RBFOX1: variants seen among roughly 807,000 people sequenced by gnomAD.
RBFOX1 encodes the protein RNA binding fox-1 homolog 1.
Under a neutral mutation model 57.7 loss-of-function variants are expected in RBFOX1, and 8 were observed. The observed-to-expected ratio is 0.14, with a 90% CI of 0.08 to 0.25. RBFOX1 has a LOEUF of 0.25. Ranked by LOEUF, RBFOX1 falls within the 10% of genes least tolerant of loss-of-function variation. The pLI, the probability that RBFOX1 is intolerant of heterozygous loss-of-function variation, is 1.00. For missense variants in RBFOX1, 611 were observed against 548.5 expected, an observed-to-expected ratio of 1.11 and a Z score of -1.14; for synonymous variants, 326 against 222.4, an observed-to-expected ratio of 1.47 and a Z score of -4.15.
chr16:6,689,510 T>A lies in RBFOX1; in HGVS notation c.-16+34860T>A, dbSNP rs527403457. On this transcript the variant is annotated intron_variant, in intron 3 of 15. Transcript: ENST00000550418. ...AGTAAGTGTATTTAATGCACAAATT[T>A]TTTTTATGTTTATGCAAGAGATGTT... Among the ~76,000 whole-genome samples, 3 of 152,338 alleles carry A rather than the reference T, an allele frequency of 2.0e-5. No homozygotes were observed. In the South Asian group the frequency reaches 6.2e-4, roughly 32 times the overall value.
intron 2 of RBFOX1, among the ~76,000 whole-genome samples, chr16:6,498,250 T>TAA (rs2095826202): frequency 1.1e-5 from 1 of 90,098 alleles, no homozygotes; most frequent in Admixed American, 1.5e-4. Flanking sequence ...GAACTCCGTC[T>TAA]CAAAACAAAA....
chr16:5,869,129 C>T (rs998930067), intron 4 of RBFOX1, among the ~76,000 whole-genome samples: 1 of 152,046 alleles, frequency 6.6e-6, no homozygotes, highest in African/African-American at 2.4e-5. Flanking sequence ...AAGTGCCATG[C>T]CATGTAACCC....
intron 3 of RBFOX1, among the ~76,000 whole-genome samples, chr16:6,788,062 A>G (rs1426662831): frequency 1.3e-5 from 2 of 152,054 alleles, no homozygotes; most frequent in Admixed American, 6.5e-5. Context: ...ATCTCTACTA[A>G]AAATACAAAA....
intron 3 of RBFOX1, among the ~76,000 whole-genome samples, chr16:5,716,309 G>T (rs1421347033): frequency 6.6e-6 from 1 of 152,194 alleles, no homozygotes; most frequent in African/African-American, 2.4e-5. Flanking sequence ...TTGTTACACA[G>T]ATAAACTTAT....
At chr16:5,346,918 A>G (rs1596599374) in intron 1 of RBFOX1, among the ~76,000 whole-genome samples, 1 of 151,996 alleles carries the variant, frequency 6.6e-6, no homozygotes, top group Non-Finnish European at 1.5e-5. Flanking sequence ...TTCAGAATGG[A>G]CCCTGGCTTG....
intron 4 of RBFOX1, among the ~76,000 whole-genome samples, chr16:5,975,673 C>T (rs1395172075): frequency 6.6e-6 from 1 of 152,106 alleles, no homozygotes; most frequent in African/African-American, 2.4e-5. Context: ...TGTGCTCTTG[C>T]CCATGTTGGA....
intron 1 of RBFOX1, among the ~76,000 whole-genome samples, chr16:6,118,999 G>T (rs991611881): frequency 8.8e-5 from 13 of 147,962 alleles, no homozygotes; most frequent in African/African-American, 3.2e-4. Flanking sequence ...CTGTGAATCT[G>T]TGACAATTCC....
chr16:5,342,477 C>A (rs2065053291), intron 1 of RBFOX1, among the ~76,000 whole-genome samples: 1 of 152,196 alleles, frequency 6.6e-6, no homozygotes, highest in Non-Finnish European at 1.5e-5. Flanking sequence ...GTCATCTAAT[C>A]TCCATGGACC....
At chr16:7,649,226 T>C (rs2064415967) in intron 11 of RBFOX1, among the ~76,000 whole-genome samples, 1 of 152,038 alleles carries the variant, frequency 6.6e-6, no homozygotes, top group African/African-American at 2.4e-5. Flanking sequence ...TAAAAAAAAA[T>C]AAGATCATGG....
intron 2 of RBFOX1, among the ~76,000 whole-genome samples, chr16:6,556,221 C>T (rs1450351322): frequency 6.6e-6 from 1 of 152,144 alleles, no homozygotes; most frequent in Non-Finnish European, 1.5e-5. Flanking sequence ...TCTTTATCAA[C>T]GTCTCTCTAT....
At chr16:6,986,195 T>TATTTATTTATTTATTTATTTA (rs573474244) in intron 3 of RBFOX1, among the ~76,000 whole-genome samples, 5,234 of 149,958 alleles carry the variant, frequency 0.035, 304 homozygotes, top group African/African-American at 0.12. Flanking sequence ...TTTATTTATT[T>TATTTATTTATTTATTTATTTA]ATTTATTTAT....
chr16:7,336,076 C>G (rs915578571), intron 4 of RBFOX1, among the ~76,000 whole-genome samples: 1 of 152,194 alleles, frequency 6.6e-6, no homozygotes, highest in African/African-American at 2.4e-5. Context: ...CTACTTAACA[C>G]TACTTATTTC....
chr16:7,564,565 A>G (rs960145303), intron 5 of RBFOX1, among the ~76,000 whole-genome samples: 2 of 142,962 alleles, frequency 1.4e-5, no homozygotes, highest in African/African-American at 4.9e-5. Context: ...AAAAAAAAAA[A>G]AAAGGCACTC....
At chr16:6,831,906 G>C (rs1202222324) in intron 3 of RBFOX1, among the ~76,000 whole-genome samples, 1 of 152,170 alleles carries the variant, frequency 6.6e-6, no homozygotes, top group African/African-American at 2.4e-5. Context: ...TCTTACTTCT[G>C]ACGAAGAACT....
chr16:7,004,620 T>C (rs1244898084), intron 3 of RBFOX1, among the ~76,000 whole-genome samples: 2 of 152,252 alleles, frequency 1.3e-5, no homozygotes, highest in Non-Finnish European at 2.9e-5. Context: ...TAGAACAGTT[T>C]TCTTGAAAGC....
intron 4 of RBFOX1, among the ~76,000 whole-genome samples, chr16:7,313,252 T>C (rs1049654723): frequency 6.6e-6 from 1 of 152,118 alleles, no homozygotes; most frequent in Non-Finnish European, 1.5e-5. Context: ...ATGCAATTTT[T>C]TGTTTGTTTG....
chr16:6,977,948 A>AAAAAT (rs199878530), intron 3 of RBFOX1, among the ~76,000 whole-genome samples: 2 of 56,472 alleles, frequency 3.5e-5, no homozygotes, highest in African/African-American at 3.1e-5. Context: ...AAAAAAAAAA[A>AAAAAT]AAAGGCAAAC....
In RBFOX1 at chr16:7,062,892, C is replaced by CTTTTTTT. The variant is rs1491558284; in HGVS notation, c.27+10794_27+10795insTTTTTTT. Among the ~76,000 whole-genome samples the CTTTTTTT allele has an allele frequency of 1.6e-3, 94 of 59,948 alleles. 22 individuals carry two copies. Among genetic ancestry groups the CTTTTTTT allele is most frequent in the East Asian group, 2.0e-3 (3 of 1,520 alleles). 39.3% of individuals were successfully genotyped at this position (59,948 alleles called of 152,430 possible). A position where few individuals can be genotyped will look rare whatever the true frequency, so the allele number is the denominator to read the frequency against. ...TACCTCATCTCATTCAAATGATCGC[C>CTTTTTTT]ATTTTTTTTTTTTTTTTTTTTTTTT... On this transcript the variant is annotated intron_variant, in intron 4 of 15. Coordinates refer to ENST00000550418, the MANE Select transcript of RBFOX1 (RefSeq NM_018723.4).
intron 2 of RBFOX1, among the ~76,000 whole-genome samples, chr16:6,377,870 C>T (rs994792406): frequency 2.6e-5 from 4 of 152,156 alleles, no homozygotes; most frequent in East Asian, 1.9e-4. Context: ...AAGTGCTGGC[C>T]TCCCTGCTCC....
Sources: gnomAD v4.1 joint callset for allele counts (sites outside exome capture counted in the v4.1 genomes callset) on GRCh38, gnomAD v4.1.1 for gene constraint, MANE v1.5 for transcripts, NCBI Gene and HGNC (gene_info 2026-07-23, HGNC 2026-07-21) for gene names.